The following PNMA6E variants were observed in gnomAD, a reference collection of about 807,000 sequenced individuals.
PNMA6E encodes the protein paraneoplastic antigen Ma6E.
For missense variants in PNMA6E, 78 were observed against 50.8 expected, an observed-to-expected ratio of 1.53 and a Z score of -1.63; for synonymous variants, 43 against 17.1, an observed-to-expected ratio of 2.52 and a Z score of -3.74.
intron 1 of PNMA6E, among the ~76,000 whole-genome samples, chrX:153,399,332 TG>T (rs61466952): frequency 1.9e-5 from 2 of 103,883 alleles, no homozygotes; most frequent in African/African-American, 7.1e-5. Flanking sequence ...TGTGTGTGTG[TG>T]TGTTGTTTTT....
At chrX:153,400,856 C>T (rs1265465089) in intron 1 of PNMA6E, among the ~76,000 whole-genome samples, 2 of 103,283 alleles carry the variant, frequency 1.9e-5, no homozygotes, top group African/African-American at 3.6e-5. Context: ...GCCCCACAGC[C>T]GGAAGCCCTC....
chrX:153,408,407 G>A, the PNMA6E span, among the ~76,000 whole-genome samples: 2 of 112,476 alleles, frequency 1.8e-5, no homozygotes. Flanking sequence ...TGCCCCTACC[G>A]GCCTCATCCT....
Position 153,397,675 on chromosome X carries a change from G to A in PNMA6E, c.1175C>T (p.Ala392Val), listed in dbSNP as rs781972135. 14 of 299,722 alleles carry A rather than the reference G, an allele frequency of 4.7e-5. No individual in the cohort carries two copies. The highest frequency in any genetic ancestry group is 7.6e-5 in the Non-Finnish European group (13 of 171,865). 24.7% of individuals were successfully genotyped at this position (299,722 alleles called of 1,213,427 possible). A position where few individuals can be genotyped will look rare whatever the true frequency, so the allele number is the denominator to read the frequency against. ...DTNLSALDCL[A>V]ALGQVFRNQD... Reference sequence around the variant, plus strand: ...GTTCCTAAATACCTGCCCCAGCGCCGCCAGGCAGTCCAGCGCGGACAAGTT... The same window carrying A: ...GTTCCTAAATACCTGCCCCAGCGCCACCAGGCAGTCCAGCGCGGACAAGTT... The change falls in exon 2 of 2, where the codon GCG becomes GTG. Residue 392 changes from alanine (A) to valine (V), a missense_variant. Ala to Val is a moderately conservative substitution (Grantham distance 64). Transcript: ENST00000445091.
At chrX:153,412,075 GTGGCACCGCTGCCCAGGCACCGGCCC>G in the PNMA6E span, among the ~76,000 whole-genome samples, 1 of 112,996 alleles carries the variant, frequency 8.8e-6, no homozygotes, top group Admixed American at 9.2e-5. Flanking sequence ...TTGTGAGGTT[GTGGCACCGCTGCCCAGGCACCGGCCC>G]TGAGGGTCTC....
the PNMA6E span, among the ~76,000 whole-genome samples, chrX:153,411,130 G>A: frequency 4.5e-5 from 5 of 111,789 alleles, no homozygotes; most frequent in African/African-American, 1.6e-4. Context: ...ACCATGGCCG[G>A]GGTACTTGGT....
chrX:153,412,842 G>A, the PNMA6E span, among the ~76,000 whole-genome samples: 5 of 112,146 alleles, frequency 4.5e-5, no homozygotes, highest in South Asian at 1.5e-3. Context: ...GACCCGACCC[G>A]CCTGTTAGAA....
chrX:153,396,676 G>C lies in PNMA6E; in HGVS notation c.*230C>G, dbSNP rs2088808906. 1 of 245,385 alleles carries C rather than the reference G, an allele frequency of 4.1e-6. No homozygotes were observed. Among genetic ancestry groups the C allele is most frequent in the Non-Finnish European group, 7.3e-6 (1 of 137,843 alleles). 20.2% of individuals were successfully genotyped at this position (245,385 alleles called of 1,213,427 possible). A position where few individuals can be genotyped will look rare whatever the true frequency, so the allele number is the denominator to read the frequency against. On this transcript the variant is annotated 3_prime_UTR_variant, in exon 2 of 2. Coordinates refer to ENST00000445091, the MANE Select transcript of PNMA6E (RefSeq NM_001367770.1). ...GCGGCAGGGTTTGGGGCTGGGGCTG[G>C]GTGTGCTGGGTGCAAGGGAGCGGGG...
the PNMA6E span, among the ~76,000 whole-genome samples, chrX:153,409,936 C>T: frequency 8.9e-6 from 1 of 112,716 alleles, no homozygotes; most frequent in African/African-American, 3.2e-5. Flanking sequence ...CCCCCTGCCT[C>T]CATGGCCCAG....
At chrX:153,407,012 C>T in the PNMA6E span, among the ~76,000 whole-genome samples, 2 of 112,536 alleles carry the variant, frequency 1.8e-5, no homozygotes, top group Non-Finnish European at 3.8e-5. Flanking sequence ...CAGCTGGGGA[C>T]TTGGTAAGAG....
the PNMA6E span, among the ~76,000 whole-genome samples, chrX:153,411,431 C>G: frequency 1.6e-4 from 18 of 112,416 alleles, no homozygotes; most frequent in East Asian, 3.7e-3. Flanking sequence ...ATGCCCCCCC[C>G]ACAACGCGCC....
chrX:153,411,633 G>A, the PNMA6E span, among the ~76,000 whole-genome samples: 1 of 113,103 alleles, frequency 8.8e-6, no homozygotes, highest in Non-Finnish European at 1.9e-5. Flanking sequence ...AGGAGGAGGC[G>A]GCGGCCTTGG....
In PNMA6E at chrX:153,397,671, C is replaced by T. The variant is rs919500876; in HGVS notation, c.1179G>A (p.Ala393=). The change falls in exon 2 of 2, where the codon GCG becomes GCA. Residue 393 remains alanine, a synonymous_variant. Coordinates refer to ENST00000445091, the MANE Select transcript of PNMA6E (RefSeq NM_001367770.1). ...CCTGGTTCCTAAATACCTGCCCCAG[C>T]GCCGCCAGGCAGTCCAGCGCGGACA... The part of the protein sequence containing the change: ...TNLSALDCLA[A]LGQVFRNQDT... 2.0e-5 allele frequency: 6 copies of T among 299,449 alleles called. No homozygotes were observed. Among genetic ancestry groups the T allele is most frequent in the Admixed American group, 5.9e-5 (1 of 17,040 alleles). The allele number at this position is 299,449 out of a possible 1,213,427, so 24.7% of individuals were successfully genotyped here. A position where few individuals can be genotyped will look rare whatever the true frequency, so the allele number is the denominator to read the frequency against.
chrX:153,409,583 G>A, the PNMA6E span, among the ~76,000 whole-genome samples: 5 of 113,225 alleles, frequency 4.4e-5, no homozygotes, highest in Admixed American at 1.8e-4. Context: ...GTCTTCACTT[G>A]CTCTAGGCGT....
the PNMA6E span, among the ~76,000 whole-genome samples, chrX:153,407,188 C>T: frequency 2.7e-5 from 3 of 112,794 alleles, no homozygotes; most frequent in East Asian, 2.8e-4. Context: ...GCTCAGCCTC[C>T]GGGCCAGTAG....
the PNMA6E span, among the ~76,000 whole-genome samples, chrX:153,409,556 G>A: frequency 0.013 from 1,509 of 113,112 alleles, 27 homozygotes; most frequent in African/African-American, 0.043. Context: ...CGACAGGATC[G>A]TGGGCTTGTC....
chrX:153,412,513 C>G, the PNMA6E span, among the ~76,000 whole-genome samples: 1 of 112,266 alleles, frequency 8.9e-6, no homozygotes, highest in Non-Finnish European at 1.9e-5. Flanking sequence ...GCAGTAAGAG[C>G]CGGGGAAGGG....
chrX:153,409,055 G>T, the PNMA6E span, among the ~76,000 whole-genome samples: 3 of 113,058 alleles, frequency 2.7e-5, no homozygotes, highest in Non-Finnish European at 3.8e-5. Context: ...CCCCCAGGAG[G>T]GGGCTGCCTG....
At chrX:153,405,724 A>C (rs1420618163), upstream of PNMA6E, among the ~76,000 whole-genome samples, 1 of 110,129 alleles carries the variant, frequency 9.1e-6, no homozygotes, top group Admixed American at 9.7e-5. Context: ...CTACTTGCCA[A>C]CAGCCATGTA....
rs988898196 is a variant in PNMA6E at position 153,396,183 on chromosome X, G to A, written c.*723C>T. The A allele has an allele frequency of 3.8e-4, 47 of 122,655 alleles. No individual in the cohort carries two copies. Among genetic ancestry groups the A allele is most frequent in the Non-Finnish European group, 4.9e-4 (26 of 53,158 alleles). The allele number at this position is 122,655 out of a possible 1,213,427, so 10.1% of individuals were successfully genotyped here. ...TGGGACTGCGCTGGGGGTCTCCGGG[G>A]AGAGGCTGCTCAGAGAAGAACACAC... On this transcript the variant is annotated 3_prime_UTR_variant, in exon 2 of 2. Coordinates refer to ENST00000445091, the MANE Select transcript of PNMA6E (RefSeq NM_001367770.1).
Sources: allele counts gnomAD v4.1 joint callset (sites outside exome capture counted in the v4.1 genomes callset), GRCh38; gene constraint gnomAD v4.1.1; transcripts MANE v1.5; gene names NCBI Gene and HGNC (gene_info 2026-07-23, HGNC 2026-07-21).